TRAM2: variants seen among roughly 807,000 people sequenced by gnomAD.
TRAM2 encodes the protein translocation associated membrane protein 2.
In TRAM2, 12 loss-of-function variants were observed where a neutral mutation model predicts 51.0. The ratio of observed to expected loss-of-function variants is 0.24; its 90% confidence interval spans 0.15 to 0.38. The LOEUF is 0.38. TRAM2 is among the 10% of genes least tolerant of loss of function. TRAM2 has a pLI of 1.00. For missense variants in TRAM2, 361 were observed against 462.0 expected (o/e 0.78, Z 2.00); for synonymous variants, 175 against 179.4 (o/e 0.98, Z 0.20).
intron 1 of TRAM2, among the ~76,000 whole-genome samples, chr6:52,575,048 AC>A (rs1388967982): frequency 6.6e-6 from 1 of 152,188 alleles, no homozygotes; most frequent in African/African-American, 2.4e-5. Context: ...CAGCAAACAG[AC>A]AGCAGAGAAT....
In TRAM2 at chr6:52,576,927, C is replaced by T. The variant is rs754083355; in HGVS notation, c.-12G>A. On this transcript the variant is annotated 5_prime_UTR_variant, in exon 1 of 11. Transcript: ENST00000182527. ...CTGCGGAAAGCCATGGCAGCGGGCGCGCAGCGGCCGGCGGGGCCCGCACCC... is the reference window on the plus strand; with the variant it reads ...CTGCGGAAAGCCATGGCAGCGGGCGTGCAGCGGCCGGCGGGGCCCGCACCC... The T allele has an allele frequency of 6.2e-7, 1 of 1,605,432 alleles. No homozygotes were observed. The highest frequency in any genetic ancestry group is 1.7e-5 in the Admixed American group (1 of 59,050).
chr6:52,528,629 A>G (rs1035498634), intron 2 of TRAM2, among the ~76,000 whole-genome samples: 2 of 152,172 alleles, frequency 1.3e-5, no homozygotes, highest in Non-Finnish European at 2.9e-5. Flanking sequence ...TGGCCAAGCT[A>G]TAGTGTAGGA....
chr6:52,516,531 T>A (rs1368915897), intron 3 of TRAM2, 97 bp downstream of exon 3: 1 of 993,860 alleles, frequency 1.0e-6, no homozygotes, highest in Non-Finnish European at 1.6e-6. Context: ...AGTTGGAGGA[T>A]GAATGGGTGC....
intron 2 of TRAM2, chr6:52,525,086 C>A (rs985291955): frequency 1.3e-5 from 2 of 152,288 alleles, no homozygotes; most frequent in Admixed American, 6.5e-5. Flanking sequence ...CATTTACTGA[C>A]ATGGCAGCTG....
At chr6:52,559,214 C>T (rs1276666352) in intron 1 of TRAM2, among the ~76,000 whole-genome samples, 5 of 152,164 alleles carry the variant, frequency 3.3e-5, no homozygotes, top group Non-Finnish European at 7.3e-5. Context: ...ACTGTCATCC[C>T]CAGGGGTTTC....
intron 1 of TRAM2, among the ~76,000 whole-genome samples, chr6:52,569,356 C>CTG: frequency 6.8e-6 from 1 of 146,514 alleles, no homozygotes; most frequent in South Asian, 2.2e-4. Context: ...CACCACTGTA[C>CTG]TCCAGCCTGG....
At chr6:52,574,758 T>C (rs578211589) in intron 1 of TRAM2, among the ~76,000 whole-genome samples, 7 of 152,140 alleles carry the variant, frequency 4.6e-5, no homozygotes, top group Admixed American at 1.3e-4. Context: ...ACTTTTAGAG[T>C]GGCAGGTTTA....
rs1330162868 is a variant in TRAM2 at position 52,516,732 on chromosome 6, C to A, written c.190G>T (p.Glu64Ter). 1.2e-6 allele frequency: 2 copies of A among 1,613,106 alleles called. No individual in the cohort carries two copies. Among genetic ancestry groups the A allele is most frequent in the Admixed American group, 3.3e-5 (2 of 60,028 alleles). Residue 64 changes from glutamate to a stop codon, truncating the protein, a stop_gained, in exon 3 of 11, where the codon GAG becomes TAG. Transcript: ENST00000182527. LOFTEE classifies it high-confidence loss of function. ...YNISVPTADS[E>*]TVHYHYGPKD... Reference sequence around the variant, plus strand: ...GGGCCATAGTGGTAGTGCACGGTCTCACTGTCTGTGGAGGTAATAAAAGTC... The same window carrying A: ...GGGCCATAGTGGTAGTGCACGGTCTAACTGTCTGTGGAGGTAATAAAAGTC...
At chr6:52,504,027 G>A (rs969961350) in intron 10 of TRAM2, among the ~76,000 whole-genome samples, 3 of 152,178 alleles carry the variant, frequency 2.0e-5, no homozygotes, top group African/African-American at 4.8e-5. Flanking sequence ...TGGGCAGAAC[G>A]TGCAGGGCTG....
chr6:52,552,282 C>A (rs1452875761), intron 1 of TRAM2, among the ~76,000 whole-genome samples: 1 of 152,232 alleles, frequency 6.6e-6, no homozygotes, highest in Non-Finnish European at 1.5e-5. Flanking sequence ...CAACAGGCTC[C>A]CCAGCCCTTT....
At chr6:52,558,691 A>G (rs1041974925) in intron 1 of TRAM2, among the ~76,000 whole-genome samples, 2 of 152,184 alleles carry the variant, frequency 1.3e-5, no homozygotes, top group African/African-American at 2.4e-5. Flanking sequence ...TTTAGGAAGT[A>G]TGGGAGGGTT....
At chr6:52,515,492 G>A (rs1266576986) in intron 4 of TRAM2, among the ~76,000 whole-genome samples, 3 of 152,360 alleles carry the variant, frequency 2.0e-5, no homozygotes, top group Non-Finnish European at 2.9e-5. Flanking sequence ...GGCTGGCCTC[G>A]TTTATAGAAG....
In TRAM2 at chr6:52,525,602, G is replaced by A. The variant is rs187615802; in HGVS notation, c.185-8865C>T. Among the ~76,000 whole-genome samples the A allele has an allele frequency of 3.3e-4, 51 of 152,318 alleles. No homozygotes were observed. In the East Asian group the frequency reaches 9.6e-3, roughly 29 times the overall value. ...AGGCGGGTGGATCACGAGATCAGGA[G>A]TTCAAGACCAGCCTGGCCAACACAG... On this transcript the variant is annotated intron_variant, in intron 2 of 10. Coordinates refer to ENST00000182527, the MANE Select transcript of TRAM2 (RefSeq NM_012288.4).
At chr6:52,543,441 A>G (rs1457170473) in intron 1 of TRAM2, among the ~76,000 whole-genome samples, 2 of 152,274 alleles carry the variant, frequency 1.3e-5, no homozygotes, top group African/African-American at 2.4e-5. Flanking sequence ...GTGTTTGGAT[A>G]TGAGTAAAAC....
At chr6:52,542,013 C>G (rs1271114221) in intron 1 of TRAM2, among the ~76,000 whole-genome samples, 1 of 151,984 alleles carries the variant, frequency 6.6e-6, no homozygotes, top group African/African-American at 2.4e-5. Flanking sequence ...CAGTGAGGAC[C>G]CTCATTTTTT....
intron 1 of TRAM2, among the ~76,000 whole-genome samples, chr6:52,555,235 G>A (rs564852061): frequency 6.7e-6 from 1 of 148,532 alleles, no homozygotes; most frequent in African/African-American, 2.5e-5. Context: ...TGCCCTCTTC[G>A]CTCTCCCACT....
At chr6:52,520,664 A>G (rs1440425321) in intron 2 of TRAM2, among the ~76,000 whole-genome samples, 1 of 152,206 alleles carries the variant, frequency 6.6e-6, no homozygotes, top group African/African-American at 2.4e-5. Flanking sequence ...GAAAGAGTTC[A>G]CAGAGTTAAG....
chr6:52,517,038 A>C, intron 2 of TRAM2: 2 of 325,304 alleles, frequency 6.1e-6, no homozygotes. Flanking sequence ...GAGACCACCA[A>C]TCCCCATCAC....
At chr6:52,549,567 G>A (rs1288603665) in intron 1 of TRAM2, among the ~76,000 whole-genome samples, 2 of 152,198 alleles carry the variant, frequency 1.3e-5, no homozygotes, top group Non-Finnish European at 2.9e-5. Flanking sequence ...GCTCCTGCAT[G>A]TGAAACAGTC....
Sources: gnomAD v4.1 joint callset for allele counts (sites outside exome capture counted in the v4.1 genomes callset) on GRCh38, gnomAD v4.1.1 for gene constraint, MANE v1.5 for transcripts, NCBI Gene and HGNC (gene_info 2026-07-23, HGNC 2026-07-21) for gene names.